ADGRG6: variants seen among roughly 807,000 people sequenced by gnomAD.
The protein encoded by ADGRG6 is adhesion G protein-coupled receptor G6.
ADGRG6 carries 84 observed loss-of-function variants against 142.4 expected under a neutral mutation model. The observed-to-expected ratio is 0.59, with a 90% CI of 0.49 to 0.71. ADGRG6 has a LOEUF of 0.71. Among genes scored for constraint, ADGRG6 ranks in the 30% least tolerant of loss-of-function variants. ADGRG6 has a pLI of 0.00. For synonymous variants in ADGRG6, 521 were observed against 520.5 expected (o/e 1.00, Z -0.01); for missense variants, 1,367 against 1,466.6 (o/e 0.93, Z 1.11).
intron 2 of ADGRG6, among the ~76,000 whole-genome samples, chr6:142,349,973 A>G (rs1386626379): frequency 1.3e-5 from 2 of 152,244 alleles, no homozygotes; most frequent in African/African-American, 4.8e-5. Context: ...TACCACAAGT[A>G]CTACCAGCAC....
At chr6:142,356,836 T>C (rs1780470358) in intron 2 of ADGRG6, among the ~76,000 whole-genome samples, 1 of 152,208 alleles carries the variant, frequency 6.6e-6, no homozygotes, top group South Asian at 2.1e-4. Flanking sequence ...TAAGCACGAA[T>C]TACTTCAAAA....
chr6:142,366,752 CAAAA>C (rs35575976), intron 2 of ADGRG6, among the ~76,000 whole-genome samples: 11 of 121,420 alleles, frequency 9.1e-5, no homozygotes, highest in Non-Finnish European at 1.8e-5. Flanking sequence ...GAGACTGTCT[CAAAA>C]AAAAAAAAAA....
chr6:142,412,628 A>G (rs1033626196), intron 18 of ADGRG6, among the ~76,000 whole-genome samples: 2 of 152,128 alleles, frequency 1.3e-5, no homozygotes, highest in Non-Finnish European at 2.9e-5. Flanking sequence ...AAATACAAAT[A>G]TTTTCCTTTT....
intron 2 of ADGRG6, among the ~76,000 whole-genome samples, chr6:142,365,217 T>C (rs994821712): frequency 2.0e-5 from 3 of 152,184 alleles, no homozygotes; most frequent in Non-Finnish European, 4.4e-5. Flanking sequence ...GTGAGTGATA[T>C]AATTGGAAGA....
intron 2 of ADGRG6, among the ~76,000 whole-genome samples, chr6:142,350,521 G>T (rs935842400): frequency 6.6e-6 from 1 of 152,206 alleles, no homozygotes; most frequent in Admixed American, 6.5e-5. Context: ...GTGTGAGGAA[G>T]TTTATAGTAC....
chr6:142,413,916 C>G (rs1776223861), intron 18 of ADGRG6, among the ~76,000 whole-genome samples: 1 of 151,760 alleles, frequency 6.6e-6, no homozygotes, highest in Admixed American at 6.6e-5. Flanking sequence ...CACACACACA[C>G]ACACACACAC....
chr6:142,393,179 A>G (rs1364470781), intron 8 of ADGRG6, among the ~76,000 whole-genome samples, 179 bp downstream of exon 8: 2 of 152,144 alleles, frequency 1.3e-5, no homozygotes, highest in East Asian at 1.9e-4. Flanking sequence ...TGCTGCAGCG[A>G]TGGTTTTAAA....
intron 2 of ADGRG6, among the ~76,000 whole-genome samples, chr6:142,363,624 G>T (rs895125810): frequency 6.6e-6 from 1 of 152,136 alleles, no homozygotes; most frequent in Non-Finnish European, 1.5e-5. Flanking sequence ...AACATATTGA[G>T]CCAGATGCTT....
intron 2 of ADGRG6, among the ~76,000 whole-genome samples, chr6:142,350,334 A>G (rs1304516870): frequency 1.3e-5 from 2 of 152,232 alleles, no homozygotes; most frequent in Non-Finnish European, 2.9e-5. Flanking sequence ...CTCTTGGGCA[A>G]GTCAGTTGGT....
At chr6:142,404,807 T>G (rs925388887) in intron 14 of ADGRG6, among the ~76,000 whole-genome samples, 1 of 152,280 alleles carries the variant, frequency 6.6e-6, no homozygotes, top group East Asian at 1.9e-4. Context: ...AGGATCATAC[T>G]TTGAGAACCC....
At chr6:142,380,269 C>T (rs1042926364) in intron 4 of ADGRG6, among the ~76,000 whole-genome samples, 1 of 152,064 alleles carries the variant, frequency 6.6e-6, no homozygotes, top group Non-Finnish European at 1.5e-5. Flanking sequence ...TGAGGCATGT[C>T]CAACCCTCTC....
Position 142,419,899 on chromosome 6 carries a change from C to T in ADGRG6, c.3114C>T (p.Ala1038=). The T allele has an allele frequency of 6.2e-7, 1 of 1,610,518 alleles. No homozygotes were observed. The highest frequency in any genetic ancestry group is 1.1e-5 in the South Asian group (1 of 90,998). Residue 1038 remains alanine (A), a synonymous_variant, in exon 22 of 25, where the codon GCC becomes GCT. Transcript: ENST00000367609. ...YFGVMFFLNI[A]MFIVVMVQIC... Reference sequence around the variant, plus strand: ...GAGTCATGTTTTTTCTGAACATTGCCATGTTCATTGTGGTAATGGTGCAGA... The same window carrying T: ...GAGTCATGTTTTTTCTGAACATTGCTATGTTCATTGTGGTAATGGTGCAGA...
intron 17 of ADGRG6, among the ~76,000 whole-genome samples, 198 bp downstream of exon 17, chr6:142,410,117 G>A (rs1210265630): frequency 6.6e-6 from 1 of 152,088 alleles, no homozygotes; most frequent in Non-Finnish European, 1.5e-5. Flanking sequence ...GTCATTGCAA[G>A]AAGAAATAGG....
rs376407110 is a variant in ADGRG6, at chr6:142,427,585, A to G, written c.3319+7481A>G. Among the ~76,000 whole-genome samples the G allele has an allele frequency of 4.3e-4, 65 of 152,118 alleles. 1 individual carries two copies. The highest frequency in any genetic ancestry group is 3.8e-4 in the East Asian group (2 of 5,198). On this transcript the variant is annotated intron_variant, in intron 22 of 24. Transcript: ENST00000367609. Reference sequence around the variant, plus strand: ...TACCCAGTTCCCAAGTTGCTTCCACATATTTGGGTATCTTTTCAGCAGCAC... The same window carrying G: ...TACCCAGTTCCCAAGTTGCTTCCACGTATTTGGGTATCTTTTCAGCAGCAC...
intron 2 of ADGRG6, among the ~76,000 whole-genome samples, chr6:142,365,347 G>C (rs1780899433): frequency 6.6e-6 from 1 of 152,110 alleles, no homozygotes; most frequent in African/African-American, 2.4e-5. Context: ...ATTTAGGCAT[G>C]GTTCCCTTCA....
At position 142,302,290 on chromosome 6, in the gene ADGRG6, A is replaced by G. The variant is rs1409571623; in HGVS notation, c.-40A>G. Reference sequence around the variant, plus strand: ...CAGAGCGGGAAAGTGGTGGAGGATGATCTTGCGGCCAAAGGGGACCTCGGC... The same window carrying G: ...CAGAGCGGGAAAGTGGTGGAGGATGGTCTTGCGGCCAAAGGGGACCTCGGC... On this transcript the variant is annotated 5_prime_UTR_variant, in exon 1 of 25. Transcript: ENST00000367609. 3.1e-6 allele frequency: 5 copies of G among 1,610,528 alleles called. No individual in the cohort carries two copies. The highest frequency in any genetic ancestry group is 4.2e-6 in the Non-Finnish European group (5 of 1,178,146).
At chr6:142,420,461 A>T (rs1468919735) in intron 22 of ADGRG6, among the ~76,000 whole-genome samples, 3 of 152,154 alleles carry the variant, frequency 2.0e-5, no homozygotes, top group Non-Finnish European at 4.4e-5. Flanking sequence ...TACCTTCTTC[A>T]CAGTTTTGCT....
chr6:142,440,422 G>A (rs913352109), intron 24 of ADGRG6, among the ~76,000 whole-genome samples: 17 of 151,732 alleles, frequency 1.1e-4, no homozygotes, highest in Non-Finnish European at 1.9e-4. Flanking sequence ...TCAGCCTCCC[G>A]AGTAGCTGGG....
intron 2 of ADGRG6, among the ~76,000 whole-genome samples, chr6:142,338,007 TTGTATC>T (rs1779404297): frequency 1.1e-5 from 1 of 93,412 alleles, no homozygotes; most frequent in African/African-American, 4.8e-5. Flanking sequence ...TTTTTATGCC[TTGTATC>T]TTTGTTTTTT....
Sources: allele counts gnomAD v4.1 joint callset (sites outside exome capture counted in the v4.1 genomes callset), GRCh38; gene constraint gnomAD v4.1.1; transcripts MANE v1.5; gene names NCBI Gene and HGNC (gene_info 2026-07-23, HGNC 2026-07-21).